The following ERICH1 variants were observed in gnomAD, a reference collection of about 807,000 sequenced individuals.
ERICH1 encodes the protein glutamate-rich protein 1.
ERICH1 carries 56 observed loss-of-function variants against 39.6 expected under a neutral mutation model. The observed-to-expected ratio is 1.41, with a 90% CI of 1.14 to 1.77. The LOEUF (loss-of-function observed/expected upper bound fraction) is 1.77, where lower values mean the gene tolerates loss of function less well. Among genes scored for constraint, ERICH1 ranks in the 40% most tolerant of loss-of-function variants. The pLI is 0.00. For synonymous variants in ERICH1, 313 were observed against 223.6 expected (o/e 1.40, Z -3.57); for missense variants, 826 against 575.4 (o/e 1.44, Z -4.45).
intron 3 of ERICH1, among the ~76,000 whole-genome samples, chr8:635,527 G>A (rs1275429275): frequency 1.3e-5 from 2 of 152,214 alleles, no homozygotes; most frequent in Admixed American, 6.5e-5. Context: ...GGTCTTGGGA[G>A]CCCAGATCAC....
At chr8:724,702 C>CT (rs1383486009) in intron 1 of ERICH1, among the ~76,000 whole-genome samples, 1 of 152,246 alleles carries the variant, frequency 6.6e-6, no homozygotes, top group Non-Finnish European at 1.5e-5. Flanking sequence ...ATTTTTTCCA[C>CT]TTTCATTAAA....
At chr8:666,463 G>A (rs562743677) in intron 5 of ERICH1, 76 of 152,340 alleles carry the variant, frequency 5.0e-4, no homozygotes, top group African/African-American at 1.7e-3. Context: ...ATGCCCGCCT[G>A]GGGCCAACGC....
At chr8:718,386 G>A (rs1228136850) in intron 1 of ERICH1, among the ~76,000 whole-genome samples, 2 of 152,140 alleles carry the variant, frequency 1.3e-5, no homozygotes, top group African/African-American at 4.8e-5. Flanking sequence ...AAAAAGAAAG[G>A]TAGGGAGCAT....
chr8:713,914 C>T (rs751779884), intron 2 of ERICH1, among the ~76,000 whole-genome samples: 2 of 152,170 alleles, frequency 1.3e-5, no homozygotes, highest in Non-Finnish European at 2.9e-5. Flanking sequence ...TATGTGTTTA[C>T]TGGGGAACCG....
intron 2 of ERICH1, among the ~76,000 whole-genome samples, chr8:709,966 A>G (rs1009003670): frequency 6.6e-6 from 1 of 152,184 alleles, no homozygotes; most frequent in Non-Finnish European, 1.5e-5. Context: ...TAAAAATACA[A>G]TTTTAAAAAA....
chr8:642,088 G>C (rs912034449), intron 3 of ERICH1, among the ~76,000 whole-genome samples: 1 of 152,208 alleles, frequency 6.6e-6, no homozygotes, highest in Non-Finnish European at 1.5e-5. Context: ...GGAAGGCCCA[G>C]AGATGATTTC....
At chr8:637,226 C>T (rs944100861) in intron 3 of ERICH1, among the ~76,000 whole-genome samples, 1 of 152,226 alleles carries the variant, frequency 6.6e-6, no homozygotes, top group Non-Finnish European at 1.5e-5. Flanking sequence ...GTGAAACACC[C>T]GGTGGGGTTC....
At chr8:615,283 T>A (rs1040270874) in exon 4 of ERICH1, 1 of 692,350 alleles carries the variant, frequency 1.4e-6, no homozygotes, top group African/African-American at 1.8e-5. Flanking sequence ...TGCTTAGGAC[T>A]CCTGGAAAAT....
At chr8:615,654 A>C in intron 3 of ERICH1, 1 of 180,650 alleles carries the variant, frequency 5.5e-6, no homozygotes, top group Non-Finnish European at 1.1e-5. Flanking sequence ...AATCAACTTA[A>C]TGGACTGTCC....
At chr8:727,219 A>G (rs1818976679) in intron 1 of ERICH1, among the ~76,000 whole-genome samples, 1 of 152,080 alleles carries the variant, frequency 6.6e-6, no homozygotes. Context: ...CACACATAGG[A>G]ACAGCGGCAC....
intron 2 of ERICH1, among the ~76,000 whole-genome samples, chr8:703,226 A>C (rs1812549714): frequency 6.6e-6 from 1 of 152,190 alleles, no homozygotes. Flanking sequence ...CACGTCAGTA[A>C]GATACAGATG....
intron 3 of ERICH1, among the ~76,000 whole-genome samples, chr8:630,644 T>C (rs71231912): frequency 0.028 from 1,922 of 68,332 alleles, 46 homozygotes; most frequent in Middle Eastern, 0.058. Flanking sequence ...CACACCCTCC[T>C]GTGACCACCC....
At chr8:622,304 T>A (rs1049191332) in intron 3 of ERICH1, among the ~76,000 whole-genome samples, 4 of 152,164 alleles carry the variant, frequency 2.6e-5, no homozygotes, top group African/African-American at 9.7e-5. Context: ...TGAAACTCAA[T>A]CAGCAAAAGG....
intron 3 of ERICH1, among the ~76,000 whole-genome samples, chr8:655,092 G>T (rs1158290403): frequency 6.6e-6 from 1 of 152,188 alleles, no homozygotes; most frequent in Non-Finnish European, 1.5e-5. Context: ...ACCCCGAGTG[G>T]TCTCTGCCGA....
chr8:667,105 T>A (rs555721549), intron 5 of ERICH1: 1 of 152,812 alleles, frequency 6.5e-6, no homozygotes, highest in Non-Finnish European at 1.5e-5. Context: ...AGAAGCCTCA[T>A]AGCTTCCAGG....
intron 1 of ERICH1, among the ~76,000 whole-genome samples, chr8:718,352 A>G (rs1289100200): frequency 1.3e-5 from 2 of 152,168 alleles, no homozygotes; most frequent in Non-Finnish European, 1.5e-5. Context: ...GCTAAAAGCG[A>G]CATAATAAGA....
chr8:638,532 G>T (rs1028821139), intron 3 of ERICH1, among the ~76,000 whole-genome samples: 1 of 152,196 alleles, frequency 6.6e-6, no homozygotes, highest in African/African-American at 2.4e-5. Context: ...TCAGAACAAG[G>T]CCACGGAGGT....
chr8:725,564 G>A (rs1457056380), intron 1 of ERICH1, among the ~76,000 whole-genome samples: 1 of 152,056 alleles, frequency 6.6e-6, no homozygotes. Context: ...CTCTCCAGCT[G>A]TACACCAAGC....
chr8:698,459 T>C (rs901609084), intron 2 of ERICH1, among the ~76,000 whole-genome samples: 1 of 152,104 alleles, frequency 6.6e-6, no homozygotes, highest in African/African-American at 2.4e-5. Context: ...CCTCAAGTGA[T>C]CCTCCTGCCT....
Sources: gnomAD v4.1 joint callset for allele counts (sites outside exome capture counted in the v4.1 genomes callset) on GRCh38, gnomAD v4.1.1 for gene constraint, MANE v1.5 for transcripts, NCBI Gene and HGNC (gene_info 2026-07-23, HGNC 2026-07-21) for gene names.